Variants in CTTNBP2 observed in about 807,000 individuals in gnomAD.
CTTNBP2 encodes the protein cortactin-binding protein 2.
Under a neutral mutation model 156.9 loss-of-function variants are expected in CTTNBP2, and 108 were observed. The observed-to-expected ratio is 0.69, with a 90% confidence interval of 0.59 to 0.81. The LOEUF is 0.81. Ranked by LOEUF, CTTNBP2 falls within the 30% of genes least tolerant of loss-of-function variation. The pLI is 0.00. For synonymous variants in CTTNBP2, 767 were observed against 751.8 expected, an observed-to-expected ratio of 1.02 and a Z score of -0.33; for missense variants, 1,924 against 2,035.4, an observed-to-expected ratio of 0.95 and a Z score of 1.05.
At position 117,773,696 on chromosome 7, in the gene CTTNBP2, CACACACACA is replaced by C. The variant is rs1562992461; in HGVS notation, c.2778+3806_2778+3814del. Among the ~76,000 whole-genome samples the C allele has an allele frequency of 6.6e-3, 932 of 141,060 alleles. 24 individuals are homozygous for C. The highest frequency in any genetic ancestry group is 0.025 in the African/African-American group (881 of 35,326). 92.5% of individuals were successfully genotyped at this position (141,060 alleles called of 152,430 possible). A position where few individuals can be genotyped will look rare whatever the true frequency, so the allele number is the denominator to read the frequency against. ...ACACACACACACACACACACACACA[CACACACACA>C]CACCCCAAAAAACAAAAAGCAGAAA... is the stretch of plus-strand genomic sequence containing the variant. On this transcript the variant is annotated intron_variant, in intron 8 of 22. Coordinates refer to ENST00000160373, the MANE Select transcript of CTTNBP2 (RefSeq NM_033427.3).
chr7:117,738,631 A>G (rs779702904), intron 14 of CTTNBP2, among the ~76,000 whole-genome samples: 2 of 152,222 alleles, frequency 1.3e-5, no homozygotes, highest in Non-Finnish European at 2.9e-5. Context: ...GAGGCTGAGC[A>G]GTTAATGGAG....
chr7:117,735,337 T>C lies in CTTNBP2; in HGVS notation c.3620A>G (p.Glu1207Gly). ...LENLEKSSLS[E>G]LLRDFLAPLE... is the part of the protein sequence containing the mutation. The stretch of plus-strand genomic sequence containing the variant: ...AGGTGCCAAAAAGTCCCTCAATAAC[T>C]CCGACAGTGAAGATTTTTCTAAATT... The change falls in exon 15 of 23, where the codon GAG becomes GGG. Residue 1207 changes from glutamate (E) to glycine (G), a missense_variant. Glu to Gly is a moderately conservative substitution (Grantham distance 98). Transcript: ENST00000160373. 6.2e-7 allele frequency: 1 copy of C among 1,613,848 alleles called. No homozygotes were observed. The highest frequency in any genetic ancestry group is 8.5e-7 in the Non-Finnish European group (1 of 1,179,806).
At chr7:117,788,593 T>A (rs1798829135) in intron 4 of CTTNBP2, among the ~76,000 whole-genome samples, 1 of 152,162 alleles carries the variant, frequency 6.6e-6, no homozygotes, top group Admixed American at 6.5e-5. Context: ...GCTCTGGTGT[T>A]TCTTAGTTGC....
intron 3 of CTTNBP2, among the ~76,000 whole-genome samples, chr7:117,800,348 G>A (rs1448311732): frequency 1.3e-5 from 2 of 151,844 alleles, no homozygotes; most frequent in African/African-American, 4.8e-5. Flanking sequence ...GTTGGGGGAG[G>A]GACTTATTGG....
intron 1 of CTTNBP2, among the ~76,000 whole-genome samples, chr7:117,865,720 A>G (rs1222915334): frequency 6.7e-6 from 1 of 149,790 alleles, no homozygotes; most frequent in Non-Finnish European, 1.5e-5. Flanking sequence ...ACAGATTTCA[A>G]TTCCACAGGC....
intron 12 of CTTNBP2, among the ~76,000 whole-genome samples, chr7:117,753,885 C>T (rs192082115): frequency 6.6e-6 from 1 of 152,314 alleles, no homozygotes; most frequent in East Asian, 1.9e-4. Flanking sequence ...ATTTAATAAA[C>T]TGCACATGTA....
At chr7:117,806,369 C>T (rs1799940487) in intron 3 of CTTNBP2, among the ~76,000 whole-genome samples, 1 of 152,190 alleles carries the variant, frequency 6.6e-6, no homozygotes, top group Non-Finnish European at 1.5e-5. Context: ...AAAGCAATTA[C>T]AGCCATTTAT....
intron 2 of CTTNBP2, among the ~76,000 whole-genome samples, chr7:117,820,355 G>C (rs923213712): frequency 7.2e-5 from 11 of 152,176 alleles, no homozygotes; most frequent in African/African-American, 2.7e-4. Flanking sequence ...ATTACCATTA[G>C]TTAGATCTTT....
At chr7:117,768,744 T>C (rs1285449923) in intron 8 of CTTNBP2, among the ~76,000 whole-genome samples, 2 of 152,128 alleles carry the variant, frequency 1.3e-5, no homozygotes, top group African/African-American at 4.8e-5. Context: ...AACTACTATC[T>C]GCTTTCTAAT....
chr7:117,838,975 G>GGGGC (rs1554443561), intron 2 of CTTNBP2, among the ~76,000 whole-genome samples: 1 of 104,924 alleles, frequency 9.5e-6, no homozygotes, highest in African/African-American at 3.6e-5. Context: ...GGCGGGGGGG[G>GGGGC]GGCTTTTAAA....
At chr7:117,823,943 T>A (rs923629330) in intron 2 of CTTNBP2, among the ~76,000 whole-genome samples, 1 of 114,268 alleles carries the variant, frequency 8.8e-6, no homozygotes, top group Admixed American at 9.7e-5. Flanking sequence ...CTAAGGAATC[T>A]TTCAGGTCTT....
Position 117,757,860 on chromosome 7 carries a change from T to C in CTTNBP2, c.3268+15A>G, listed in dbSNP as rs2116631921. The stretch of plus-strand genomic sequence containing the variant: ...AACACTCTTTAAACGTCACCTTAGT[T>C]AGGGACATCCTTACCTGACAAAAGC... On this transcript the variant is annotated intron_variant, in intron 11 of 22. Coordinates refer to ENST00000160373, the MANE Select transcript of CTTNBP2 (RefSeq NM_033427.3). The C allele has an allele frequency of 6.4e-7, 1 of 1,570,008 alleles. No homozygotes were observed. Among genetic ancestry groups the C allele is most frequent in the Non-Finnish European group, 8.7e-7 (1 of 1,150,382 alleles).
chr7:117,815,313 TATA>T (rs1318516923), intron 2 of CTTNBP2, among the ~76,000 whole-genome samples: 2 of 152,192 alleles, frequency 1.3e-5, no homozygotes, highest in Non-Finnish European at 2.9e-5. Flanking sequence ...GACAAGATGC[TATA>T]ATATGAATGC....
chr7:117,769,581 C>T (rs1339715817), intron 8 of CTTNBP2, among the ~76,000 whole-genome samples: 2 of 152,130 alleles, frequency 1.3e-5, no homozygotes, highest in Non-Finnish European at 2.9e-5. Context: ...TTTCATTGGT[C>T]TACAGTTCAG....
chr7:117,861,111 C>A (rs1803704965), intron 2 of CTTNBP2, 98 bp downstream of exon 2: 1 of 713,286 alleles, frequency 1.4e-6, no homozygotes, highest in Non-Finnish European at 2.4e-6. Context: ...CATTTTAAAT[C>A]TATTTGATTC....
intron 17 of CTTNBP2, 106 bp downstream of exon 17, chr7:117,727,983 T>C: frequency 1.0e-6 from 1 of 965,922 alleles, no homozygotes; most frequent in Non-Finnish European, 1.6e-6. Flanking sequence ...TCCGTGTCAG[T>C]GACAGGAGGT....
chr7:117,732,229 C>T (rs1795440358), intron 16 of CTTNBP2, among the ~76,000 whole-genome samples: 1 of 152,084 alleles, frequency 6.6e-6, no homozygotes, highest in African/African-American at 2.4e-5. Flanking sequence ...CACCATATAA[C>T]ACACATGACC....
chr7:117,782,489 T>C (rs1407625586), intron 6 of CTTNBP2, among the ~76,000 whole-genome samples: 2 of 152,218 alleles, frequency 1.3e-5, no homozygotes, highest in Non-Finnish European at 2.9e-5. Context: ...TGTTCTACTT[T>C]TAGTGACATC....
At chr7:117,738,047 T>C (rs769894170) in intron 14 of CTTNBP2, among the ~76,000 whole-genome samples, 2 of 152,172 alleles carry the variant, frequency 1.3e-5, no homozygotes, top group Non-Finnish European at 2.9e-5. Context: ...GGCTGGGAAC[T>C]TGGGGTGGTG....
Sources: allele counts gnomAD v4.1 joint callset (sites outside exome capture counted in the v4.1 genomes callset), GRCh38; gene constraint gnomAD v4.1.1; transcripts MANE v1.5; gene names NCBI Gene and HGNC (gene_info 2026-07-23, HGNC 2026-07-21).